Variants in SPTBN5 observed in about 807,000 individuals in gnomAD.
SPTBN5 encodes spectrin beta chain, non-erythrocytic 5.
In SPTBN5, 513 loss-of-function variants were observed where a neutral mutation model predicts 477.6. The observed-to-expected ratio is 1.07, with a 90% CI of 1.00 to 1.16. The LOEUF is 1.16. SPTBN5 is among the 50% of genes most tolerant of loss of function. SPTBN5 has a pLI of 0.00. For missense variants in SPTBN5, 5,062 were observed against 4,731.8 expected (o/e 1.07, Z -2.05); for synonymous variants, 2,169 against 2,011.7 (o/e 1.08, Z -2.09).
Position 41,854,718 on chromosome 15 carries a change from G to C in SPTBN5, c.9618+64C>G, listed in dbSNP as rs555088181. On this transcript the variant is annotated intron_variant, in intron 56 of 67. Transcript: ENST00000320955. ...TGGAACCAAAGCCTGTGGTAAGGAG[G>C]GCTTAGAGGGATTTTTTGAAGACTC... 20 of 1,385,454 alleles carry C rather than the reference G, an allele frequency of 1.4e-5. 2 individuals carry two copies. The South Asian group carries it at 2.7e-4, about 18-fold the overall frequency. The allele number at this position is 1,385,454 out of a possible 1,614,324, so 85.8% of individuals were successfully genotyped here.
At position 41,861,919 on chromosome 15, in the gene SPTBN5, T is replaced by A; in HGVS notation, c.7553A>T (p.Glu2518Val). ...MLEEHQECKAELDSWTDSISL... is the reference protein window; with the variant it reads ...MLEEHQECKAVLDSWTDSISL... ...GATGCTGTCTGTCCAGGAGTCCAGC[T>A]CGGCCTGGAACAGGACTGGGCTCAG... Residue 2518 changes from glutamate (E) to valine (V), a missense_variant, in exon 45 of 68, where the codon GAG becomes GTG. Transcript: ENST00000320955. The A allele has an allele frequency of 6.2e-7, 1 of 1,601,168 alleles. No homozygotes were observed. The highest frequency in any genetic ancestry group is 8.5e-7 in the Non-Finnish European group (1 of 1,177,116).
At position 41,857,257 on chromosome 15, in the gene SPTBN5, C is replaced by T. The variant is rs1244770393; in HGVS notation, c.8602G>A (p.Ala2868Thr). Residue 2868 changes from alanine to threonine, a missense_variant, in exon 51 of 68, where the codon GCC becomes ACC. By Grantham distance (58) the Ala-to-Thr change is moderately conservative. Coordinates refer to ENST00000320955, the MANE Select transcript of SPTBN5 (RefSeq NM_016642.4). ...ATCTACCTCTGAAGCAGCCGCCGGG[C>T]CTGCTCTTCCACATCTTGGGCAAGG... ...HCLAQDVEEQ[A>T]RRLLQRFKSL... is the part of the protein sequence containing the mutation. 3 of 1,582,838 alleles carry T rather than the reference C, an allele frequency of 1.9e-6. No individual in the cohort carries two copies. Among genetic ancestry groups the T allele is most frequent in the Non-Finnish European group, 2.6e-6 (3 of 1,163,630 alleles).
rs372392892 is a variant in SPTBN5, at chr15:41,881,097, G to T, written c.2595C>A (p.Asn865Lys). The T allele has an allele frequency of 3.0e-5, 48 of 1,612,264 alleles. No homozygotes were observed. Among genetic ancestry groups the T allele is most frequent in the Non-Finnish European group, 3.9e-5 (46 of 1,179,218 alleles). ...PAEPDPDFDP[N>K]TILQTQDHLS... The stretch of plus-strand genomic sequence containing the variant: ...AGTGGTCCTGTGTCTGGAGTATAGT[G>T]TTGGGATCAAAGTCAGGGTCAGGCT... The change falls in exon 13 of 68, where the codon AAC becomes AAA. Residue 865 changes from asparagine to lysine, a missense_variant. Physicochemically the swap from Asn to Lys is moderately conservative, Grantham distance 94. Coordinates refer to ENST00000320955, the MANE Select transcript of SPTBN5 (RefSeq NM_016642.4).
chr15:41,881,813 C>T, intron 12 of SPTBN5, 123 bp downstream of exon 12: 1 of 930,520 alleles, frequency 1.1e-6, no homozygotes, highest in Non-Finnish European at 1.5e-6. Flanking sequence ...GACACCTACA[C>T]CCACGGGAAG....
chr15:41,883,389 G>T lies in SPTBN5; in HGVS notation c.1618C>A (p.Gln540Lys), dbSNP rs2067042432. 1 of 1,613,658 alleles carries T rather than the reference G, an allele frequency of 6.2e-7. No individual in the cohort carries two copies. Among genetic ancestry groups the T allele is most frequent in the African/African-American group, 1.3e-5 (1 of 74,950 alleles). The change falls in exon 8 of 68, where the codon CAG (glutamine) becomes AAG (lysine). Residue 540 changes from glutamine to lysine, a missense_variant. Gln to Lys is a moderately conservative substitution (Grantham distance 53, BLOSUM62 1). Transcript: ENST00000320955. ...TGGTGGGAGGCAGCCTCCACCTCCT[G>T]CAGCAGGCTCAGCACAGCCTGCATG... is the stretch of plus-strand genomic sequence containing the variant. ...ADMQAVLSLLQEVEAASHQLE... is the reference protein window; with the variant it reads ...ADMQAVLSLLKEVEAASHQLE...
intron 59 of SPTBN5, 74 bp downstream of exon 59, chr15:41,853,184 T>C: frequency 6.6e-7 from 1 of 1,521,152 alleles, no homozygotes; most frequent in Non-Finnish European, 8.9e-7. Context: ...TCCATGCCTG[T>C]GAGGGGCCCT....
Position 41,851,291 on chromosome 15 carries a change from C to T in SPTBN5, c.10735G>A (p.Ala3579Thr). 6.4e-7 allele frequency: 1 copy of T among 1,551,256 alleles called. No homozygotes were observed. The highest frequency in any genetic ancestry group is 1.4e-5 in the African/African-American group (1 of 73,124). ...CCTACCCCGCCTGGTACCTCCGCTG[C>T]CATCCTCTCATCCAGGAACAGGCTC... ...SLSLFLDERM[A>T]AEKVASIALL... Residue 3579 changes from alanine to threonine, a missense_variant, in exon 64 of 68, where the codon GCA (alanine) becomes ACA (threonine). Transcript: ENST00000320955.
At chr15:41,873,720 G>A in intron 25 of SPTBN5, 112 bp from the exon 26 acceptor site, 3 of 1,472,948 alleles carry the variant, frequency 2.0e-6, no homozygotes, top group Middle Eastern at 1.7e-4. Context: ...TGCCCATAGG[G>A]GCACCCATCA....
In SPTBN5 at chr15:41,880,204, G is replaced by T. The variant is rs1168385177; in HGVS notation, c.2767C>A (p.Gln923Lys). Residue 923 changes from glutamine to lysine, a missense_variant, in exon 14 of 68, where the codon CAG (glutamine) becomes AAG (lysine). Transcript: ENST00000320955. ...EKQTVLLQRV[Q>K]PQADTLEVMQ... ...ACCTCCAGGGTGTCAGCCTGGGGCT[G>T]CACCCTTTGGAGCAGCACTGTCTGC... The T allele has an allele frequency of 6.2e-7, 1 of 1,605,432 alleles. No individual in the cohort carries two copies.
chr15:41,869,856 G>T lies in SPTBN5; in HGVS notation c.5838C>A (p.Ala1946=), dbSNP rs2066471710. 1.3e-6 allele frequency: 2 copies of T among 1,561,124 alleles called. No homozygotes were observed. Among genetic ancestry groups the T allele is most frequent in the Non-Finnish European group, 1.7e-6 (2 of 1,163,362 alleles). Residue 1946 remains alanine, a synonymous_variant, in exon 32 of 68, where the codon GCC becomes GCA. Transcript: ENST00000320955. The part of the protein sequence containing the change: ...RAQLERARLL[A]RFRTAVRDYA... ...GAGCCCTCACCGCCGTGCGGAAGCGGGCCAGGAGGCGTGCCCGCTCCAGCT... is the reference window on the plus strand; with the variant it reads ...GAGCCCTCACCGCCGTGCGGAAGCGTGCCAGGAGGCGTGCCCGCTCCAGCT...
chr15:41,862,486 G>C, intron 43 of SPTBN5, 53 bp downstream of exon 43: 1 of 1,564,826 alleles, frequency 6.4e-7, no homozygotes, highest in Non-Finnish European at 8.7e-7. Context: ...GGAGGTGTGG[G>C]GACTGAGATG....
intron 32 of SPTBN5, 67 bp from the exon 33 acceptor site, chr15:41,868,668 G>A (rs1431148362): frequency 2.6e-6 from 4 of 1,526,702 alleles, no homozygotes; most frequent in South Asian, 2.3e-5. Context: ...ACCAGGTGCT[G>A]AGGCAACTGC....
At chr15:41,880,625 T>A (rs1025427633) in intron 13 of SPTBN5, among the ~76,000 whole-genome samples, 2 of 152,130 alleles carry the variant, frequency 1.3e-5, no homozygotes, top group Non-Finnish European at 2.9e-5. Flanking sequence ...TCCCTCTGCC[T>A]GCTCCACCCC....
intron 59 of SPTBN5, 126 bp from the exon 60 acceptor site, chr15:41,853,126 T>G: frequency 6.9e-7 from 1 of 1,446,358 alleles, no homozygotes; most frequent in Non-Finnish European, 9.2e-7. Context: ...ACCTGCCCCT[T>G]CCCAGCCTCT....
chr15:41,876,793 C>A lies in SPTBN5; in HGVS notation c.3851+16G>T. On this transcript the variant is annotated intron_variant, in intron 19 of 67. Coordinates refer to ENST00000320955, the MANE Select transcript of SPTBN5 (RefSeq NM_016642.4). The stretch of plus-strand genomic sequence containing the variant: ...AAGGGTCATCTGCAGGTGCTGCAGA[C>A]TGAGGCCAGGCTCACGTGTGTGCAG... The A allele has an allele frequency of 6.2e-7, 1 of 1,609,696 alleles. No homozygotes were observed. The highest frequency in any genetic ancestry group is 1.1e-5 in the South Asian group (1 of 90,996).
intron 6 of SPTBN5, 109 bp downstream of exon 6, chr15:41,887,104 G>T: frequency 3.2e-6 from 3 of 940,614 alleles, no homozygotes; most frequent in African/African-American, 1.6e-5. Context: ...CAGTGAAGTT[G>T]GGTGACTTGG....
chr15:41,864,353 G>A (rs2140931902), intron 39 of SPTBN5, among the ~76,000 whole-genome samples: 2 of 151,894 alleles, frequency 1.3e-5, no homozygotes, highest in East Asian at 3.9e-4. Context: ...GTCTCCCTCT[G>A]TTGCACTGTT....
chr15:41,882,229 C>CCGGGG, intron 11 of SPTBN5, 40 bp downstream of exon 11: 14 of 1,263,746 alleles, frequency 1.1e-5, no homozygotes, highest in Non-Finnish European at 1.5e-5. Flanking sequence ...CCCGCCTCGC[C>CCGGGG]GGGCCCCGCC....
intron 17 of SPTBN5, 120 bp from the exon 18 acceptor site, chr15:41,877,476 C>T: frequency 7.2e-7 from 1 of 1,383,408 alleles, no homozygotes; most frequent in Non-Finnish European, 9.7e-7. Flanking sequence ...ATGTGATAGG[C>T]CCAGCAGAGT....
Sources: allele counts gnomAD v4.1 joint callset (sites outside exome capture counted in the v4.1 genomes callset), GRCh38; gene constraint gnomAD v4.1.1; transcripts MANE v1.5; gene names NCBI Gene and HGNC (gene_info 2026-07-23, HGNC 2026-07-21).